The following ARAP1 variants were observed in gnomAD, a reference collection of about 807,000 sequenced individuals.
ARAP1 encodes ArfGAP with RhoGAP domain, ankyrin repeat and PH domain 1.
A neutral mutation model predicts 172.2 loss-of-function variants in ARAP1; 76 were observed. That is an observed-to-expected ratio of 0.44 (90% CI 0.37 to 0.53). The LOEUF (loss-of-function observed/expected upper bound fraction) is 0.53, where lower values mean the gene tolerates loss of function less well. Among genes scored for constraint, ARAP1 ranks in the 20% least tolerant of loss-of-function variants. ARAP1 has a pLI of 0.00. For synonymous variants in ARAP1, 804 were observed against 803.3 expected (o/e 1.00, Z -0.01); for missense variants, 1,686 against 1,977.5 (o/e 0.85, Z 2.80).
intron 1 of ARAP1, among the ~76,000 whole-genome samples, chr11:72,740,432 C>T (rs535469831): frequency 1.3e-5 from 2 of 152,248 alleles, no homozygotes; most frequent in East Asian, 1.9e-4. Context: ...TTCATGTCTG[C>T]ACTGTTTCAA....
At chr11:72,715,017 CCATCTGTCT>C (rs2135550073) in intron 3 of ARAP1, among the ~76,000 whole-genome samples, 1 of 152,340 alleles carries the variant, frequency 6.6e-6, no homozygotes, top group East Asian at 1.9e-4. Context: ...CACAGTGTTC[CCATCTGTCT>C]CAGTACAGAT....
intron 34 of ARAP1, 78 bp from the exon 35 acceptor site, chr11:72,685,759 G>A (rs1271516263): frequency 1.3e-6 from 2 of 1,574,810 alleles, no homozygotes; most frequent in Non-Finnish European, 1.7e-6. Context: ...TGCTGCAGCT[G>A]CTGCAGCCAC....
intron 3 of ARAP1, among the ~76,000 whole-genome samples, chr11:72,717,624 T>C (rs1386547527): frequency 3.9e-5 from 6 of 152,168 alleles, no homozygotes; most frequent in Admixed American, 6.5e-5. Context: ...TCCTTCCTCA[T>C]TGGGGTAACT....
At chr11:72,730,897 T>C (rs1251223512) in intron 2 of ARAP1, among the ~76,000 whole-genome samples, 1 of 152,176 alleles carries the variant, frequency 6.6e-6, no homozygotes, top group Non-Finnish European at 1.5e-5. Flanking sequence ...AGTTGTGCAA[T>C]AGAATACTGA....
In ARAP1 at chr11:72,693,801, G is replaced by A. The variant is rs761430133; in HGVS notation, c.3699C>T (p.Arg1233=). ...FEVNEREEAE[R]PLHFAEKVLP... ...GCACCTTCTCCGCAAAGTGCAGGGGGCGCTCTGGGGAGAGGTCACACCTAC... is the reference window on the plus strand; with the variant it reads ...GCACCTTCTCCGCAAAGTGCAGGGGACGCTCTGGGGAGAGGTCACACCTAC... The change falls in exon 28 of 35, where the codon CGC becomes CGT. Residue 1233 remains arginine (R), a synonymous_variant. Coordinates refer to ENST00000393609, the MANE Select transcript of ARAP1 (RefSeq NM_001040118.3). This position sits in a 1 kb window ranked among gnomAD's most constrained non-coding sequence, Gnocchi z 4.6. 7 of 1,598,106 alleles carry A rather than the reference G, an allele frequency of 4.4e-6. No homozygotes were observed. In the African/African-American group the frequency reaches 9.4e-5, roughly 21 times the overall value.
Position 72,726,951 on chromosome 11 carries a change from T to C in ARAP1, c.178A>G (p.Ile60Val). 2 of 1,598,854 alleles carry C rather than the reference T, an allele frequency of 1.3e-6. No individual in the cohort carries two copies. Among genetic ancestry groups the C allele is most frequent in the Non-Finnish European group, 1.7e-6 (2 of 1,173,062 alleles). ...GMLLPGHRRRILAGLLRAHTS... is the reference protein window; with the variant it reads ...GMLLPGHRRRVLAGLLRAHTS... ...TGGGCACGGAGCAGGCCAGCCAGGATGCGGCGGCGGTGACCAGGGAGTAGC... is the reference window on the plus strand; with the variant it reads ...TGGGCACGGAGCAGGCCAGCCAGGACGCGGCGGCGGTGACCAGGGAGTAGC... Residue 60 changes from isoleucine (I) to valine (V), a missense_variant, in exon 3 of 35, where the codon ATC (isoleucine) becomes GTC (valine). Around this residue, in one of 5 missense-constraint regions of ARAP1, gnomAD observed 190 missense variants for 228.6 expected, o/e 0.83. Transcript: ENST00000393609. The surrounding 1 kb of genome is among the most constrained non-coding windows in gnomAD (Gnocchi z 6.5).
chr11:72,719,939 T>G (rs1293630249), intron 3 of ARAP1, among the ~76,000 whole-genome samples: 1 of 152,172 alleles, frequency 6.6e-6, no homozygotes, highest in African/African-American at 2.4e-5. Context: ...TCCTCCCCAC[T>G]ATCGCAGGCC....
In ARAP1 at chr11:72,703,020, A is replaced by T; in HGVS notation, c.2052T>A (p.Cys684Ter). Residue 684 changes from cysteine (C) to a stop codon, truncating the protein, a stop_gained, in exon 15 of 35, where the codon TGT becomes TGA. Coordinates refer to ENST00000393609, the MANE Select transcript of ARAP1 (RefSeq NM_001040118.3). LOFTEE classifies it high-confidence loss of function. Reference sequence around the variant, plus strand: ...CCGAGAAGCAGTTGATCCCAGCCCCACAGCCCAGGAGCGCCTGGGTCTCAG... The same window carrying T: ...CCGAGAAGCAGTTGATCCCAGCCCCTCAGCCCAGGAGCGCCTGGGTCTCAG... ...DLAETQALLG[C>*]GAGINCFSGD... is the part of the protein sequence containing the mutation. 6.3e-7 allele frequency: 1 copy of T among 1,592,676 alleles called. No homozygotes were observed. Among genetic ancestry groups the T allele is most frequent in the South Asian group, 1.1e-5 (1 of 87,442 alleles).
At position 72,725,796 on chromosome 11, in the gene ARAP1, A is replaced by T. The variant is rs1415735797; in HGVS notation, c.509+824T>A. 6.6e-6 allele frequency among the ~76,000 whole-genome samples: 1 copy of T among 152,086 alleles called. No individual in the cohort carries two copies. Among genetic ancestry groups the T allele is most frequent in the Non-Finnish European group, 1.5e-5 (1 of 68,004 alleles). On this transcript the variant is annotated intron_variant, in intron 3 of 34. Transcript: ENST00000393609. This position sits in a 1 kb window ranked among gnomAD's most constrained non-coding sequence, Gnocchi z 4.3. ...CAGCAGAGTGCCCAGCAATAAACAA[A>T]CAGGGACCAGGAGACCTCTCTCCGC...
rs1856018873 is a variant in ARAP1, at chr11:72,693,244, C to T, written c.3954+81G>A. On this transcript the variant is annotated intron_variant, in intron 29 of 34. Coordinates refer to ENST00000393609, the MANE Select transcript of ARAP1 (RefSeq NM_001040118.3). This position sits in a 1 kb window ranked among gnomAD's most constrained non-coding sequence, Gnocchi z 4.6. ...AGAGCCTGTAACGGGAATATTTCCA[C>T]TTGCAGACCAAGGGGAATCTCTGAG... 2 of 1,546,634 alleles carry T rather than the reference C, an allele frequency of 1.3e-6. No homozygotes were observed. The highest frequency in any genetic ancestry group is 1.8e-6 in the Non-Finnish European group (2 of 1,139,540).
chr11:72,725,004 G>C lies in ARAP1; in HGVS notation c.509+1616C>G, dbSNP rs1857642016. On this transcript the variant is annotated intron_variant, in intron 3 of 34. Transcript: ENST00000393609. This position sits in a 1 kb window ranked among gnomAD's most constrained non-coding sequence, Gnocchi z 4.3. Reference sequence around the variant, plus strand: ...CTACCCAGCAAGCCTCCTGAACTCAGATGTCAGTGCCAGGAGGGCCCAGAA... The same window carrying C: ...CTACCCAGCAAGCCTCCTGAACTCACATGTCAGTGCCAGGAGGGCCCAGAA... 6.6e-6 allele frequency among the ~76,000 whole-genome samples: 1 copy of C among 152,158 alleles called. No homozygotes were observed. The highest frequency in any genetic ancestry group is 6.5e-5 in the Admixed American group (1 of 15,284).
intron 3 of ARAP1, among the ~76,000 whole-genome samples, chr11:72,714,808 T>G (rs1857204416): frequency 6.6e-6 from 1 of 152,138 alleles, no homozygotes; most frequent in African/African-American, 2.4e-5. Context: ...TGTCTCAAGA[T>G]CACCTTGCTC....
rs771790145 is a variant in ARAP1, at chr11:72,699,017, C to G, written c.2529G>C (p.Lys843Asn). Residue 843 changes from lysine (K) to asparagine (N), a missense_variant, in exon 18 of 35, where the codon AAG becomes AAC. This residue lies in a region of ARAP1 where 688 missense variants were observed against 856.9 expected (regional missense o/e 0.80). Coordinates refer to ENST00000393609, the MANE Select transcript of ARAP1 (RefSeq NM_001040118.3). This position sits in a 1 kb window ranked among gnomAD's most constrained non-coding sequence, Gnocchi z 4.2. ...ACCCCAGGCTCACCTTAGCAATACA[C>G]TTGACCCACTCATGAGCCTGCTCCG... ...ESAEQAHEWV[K>N]CIAKAFVPPL... 22 of 1,614,056 alleles carry G rather than the reference C, an allele frequency of 1.4e-5. No individual in the cohort carries two copies. The highest frequency in any genetic ancestry group is 1.9e-5 in the Non-Finnish European group (22 of 1,180,040).
At position 72,685,313 on chromosome 11, in the gene ARAP1, C is replaced by G. The variant is rs1323791465; in HGVS notation, c.*351G>C. ...GGAGGAGCAGGGGGCTCCCTTCCGG[C>G]AGGGCCCCAGGGCCTCACGCCTCTG... On this transcript the variant is annotated 3_prime_UTR_variant, in exon 35 of 35. Transcript: ENST00000393609. The G allele has an allele frequency of 3.0e-6, 1 of 335,582 alleles. No homozygotes were observed. Among genetic ancestry groups the G allele is most frequent in the Non-Finnish European group, 5.6e-6 (1 of 179,350 alleles). 20.8% of individuals were successfully genotyped at this position (335,582 alleles called of 1,614,324 possible). A position where few individuals can be genotyped will look rare whatever the true frequency, so the allele number is the denominator to read the frequency against.
chr11:72,724,034 G>T (rs1857612772), intron 3 of ARAP1, among the ~76,000 whole-genome samples: 1 of 152,120 alleles, frequency 6.6e-6, no homozygotes, highest in Non-Finnish European at 1.5e-5. Flanking sequence ...GAGCACAAAG[G>T]TCCTGATAAA....
chr11:72,746,197 C>A (rs1244057221), intron 1 of ARAP1, among the ~76,000 whole-genome samples: 1 of 152,108 alleles, frequency 6.6e-6, no homozygotes. Flanking sequence ...AGCCCCACTA[C>A]AACCCGTGAA....
intron 2 of ARAP1, among the ~76,000 whole-genome samples, chr11:72,731,381 T>C (rs1184608424): frequency 6.6e-6 from 1 of 152,160 alleles, no homozygotes; most frequent in Non-Finnish European, 1.5e-5. Context: ...TGGTAACAAG[T>C]GAGTTATCAC....
chr11:72,713,760 G>T (rs1329085601), intron 4 of ARAP1, among the ~76,000 whole-genome samples: 1 of 151,574 alleles, frequency 6.6e-6, no homozygotes, highest in African/African-American at 2.4e-5. Flanking sequence ...GGCAGGAGAA[G>T]GGCGTGAACC....
chr11:72,712,488 G>A lies in ARAP1; in HGVS notation c.828C>T (p.Asp276=), dbSNP rs763072510. The stretch of plus-strand genomic sequence containing the variant: ...CATCCTCTTCCTCATCCCCTTGGTC[G>A]TCCCCAGACAGTTCCTCTCCCTCGC... ...LLSEGEELSG[D]DQGDEEEDDH... is the part of the protein sequence containing the mutation. Residue 276 remains aspartate, a synonymous_variant, in exon 6 of 35, where the codon GAC becomes GAT. Transcript: ENST00000393609. 2.9e-5 allele frequency: 46 copies of A among 1,609,836 alleles called. No homozygotes were observed. The highest frequency in any genetic ancestry group is 2.3e-4 in the South Asian group (21 of 90,912).
Sources: allele counts gnomAD v4.1 joint callset (sites outside exome capture counted in the v4.1 genomes callset), GRCh38; gene constraint gnomAD v4.1.1; regional missense constraint gnomAD v4.1.1; non-coding constraint Gnocchi (gnomAD v3.1); transcripts MANE v1.5; gene names NCBI Gene and HGNC (gene_info 2026-07-23, HGNC 2026-07-21).